Variants in RGL1 observed in about 807,000 individuals in gnomAD.
RGL1 encodes the protein ral guanine nucleotide dissociation stimulator-like 1.
A neutral mutation model predicts 95.2 loss-of-function variants in RGL1; 24 were observed. The ratio of observed to expected loss-of-function variants is 0.25; its 90% CI spans 0.18 to 0.35. RGL1 has a LOEUF of 0.35. Among genes scored for constraint, RGL1 ranks in the 10% least tolerant of loss-of-function variants. RGL1 has a pLI of 1.00. For synonymous variants in RGL1, 329 were observed against 344.9 expected, an observed-to-expected ratio of 0.95 and a Z score of 0.51; for missense variants, 715 against 936.3, an observed-to-expected ratio of 0.76 and a Z score of 3.08.
At chr1:183,811,400 A>C (rs999765939) in intron 2 of RGL1, among the ~76,000 whole-genome samples, 1 of 152,180 alleles carries the variant, frequency 6.6e-6, no homozygotes, top group African/African-American at 2.4e-5. Flanking sequence ...GATAAGCCCT[A>C]GAGGAGCCTT....
chr1:183,914,571 G>A (rs532851959), intron 15 of RGL1, among the ~76,000 whole-genome samples: 1 of 152,154 alleles, frequency 6.6e-6, no homozygotes, highest in Non-Finnish European at 1.5e-5. Context: ...CCTCCAGACT[G>A]TCATTCTTCC....
intron 14 of RGL1, among the ~76,000 whole-genome samples, chr1:183,909,223 C>G (rs188983120): frequency 6.6e-6 from 1 of 152,288 alleles, no homozygotes; most frequent in Non-Finnish European, 1.5e-5. Context: ...ATTTCATGAT[C>G]TTCTTAGCAT....
chr1:183,639,282 C>CAAAAAAAAAA (rs1306405130), intron 1 of RGL1, among the ~76,000 whole-genome samples: 2 of 70,844 alleles, frequency 2.8e-5, no homozygotes, highest in African/African-American at 4.6e-5. Context: ...CACTTCATCT[C>CAAAAAAAAAA]AAAAAAAAAA....
chr1:183,649,898 A>G (rs966530470), intron 1 of RGL1, among the ~76,000 whole-genome samples: 5 of 152,128 alleles, frequency 3.3e-5, no homozygotes, highest in Admixed American at 2.0e-4. Context: ...TGTGGCCCCA[A>G]CCTTCCGGGC....
intron 2 of RGL1, among the ~76,000 whole-genome samples, chr1:183,752,707 T>TCTCTCTCTCTCTCC (rs1337166963): frequency 2.8e-4 from 40 of 143,524 alleles, no homozygotes; most frequent in Middle Eastern, 3.7e-3. Flanking sequence ...TCTCTCTCTT[T>TCTCTCTCTCTCTCC]CCCCTTTCCT....
rs556703734 is a variant in RGL1, at chr1:183,752,471, C to G, written c.132+10182C>G. ...CGATCTCTTGACCTTGTGATCCGCCCACCTCGGCCTCCCAAAGTGCTGGGA... is the reference window on the plus strand; with the variant it reads ...CGATCTCTTGACCTTGTGATCCGCCGACCTCGGCCTCCCAAAGTGCTGGGA... On this transcript the variant is annotated intron_variant, in intron 2 of 18. Coordinates refer to the RGL1 transcript ENST00000304685. 5.9e-5 allele frequency among the ~76,000 whole-genome samples: 9 copies of G among 152,216 alleles called. No homozygotes were observed. The East Asian group carries it at 1.5e-3, about 26-fold the overall frequency.
intron 1 of RGL1, among the ~76,000 whole-genome samples, chr1:183,682,036 T>C (rs1337367576): frequency 2.6e-5 from 4 of 152,326 alleles, no homozygotes; most frequent in African/African-American, 9.6e-5. Context: ...TTTTCTATTG[T>C]GTCTATTTGA....
At chr1:183,805,993 T>C (rs866368315) in intron 1 of RGL1, among the ~76,000 whole-genome samples, 18 of 87,390 alleles carry the variant, frequency 2.1e-4, no homozygotes, top group Middle Eastern at 5.8e-3. Flanking sequence ...TTTTTTTTTT[T>C]TTTTTTTTTT....
At chr1:183,747,924 TGTACCTCTG>T (rs1345312724) in intron 2 of RGL1, among the ~76,000 whole-genome samples, 5 of 152,180 alleles carry the variant, frequency 3.3e-5, no homozygotes, top group African/African-American at 1.2e-4. Flanking sequence ...AGCTCCTCTT[TGTACCTCTG>T]GTGGAATTAG....
chr1:183,903,562 G>A (rs940071095), intron 12 of RGL1, among the ~76,000 whole-genome samples: 8 of 152,012 alleles, frequency 5.3e-5, no homozygotes, highest in African/African-American at 1.7e-4. Flanking sequence ...CCTAACATGG[G>A]GGGGGTTTGG....
At position 183,648,645 on chromosome 1, in the gene RGL1, G is replaced by A. The variant is rs763431906; in HGVS notation, c.-33+12144G>A. The A allele has an allele frequency of 1.3e-5, 21 of 1,614,234 alleles. No individual in the cohort carries two copies. The highest frequency in any genetic ancestry group is 1.7e-5 in the Admixed American group (1 of 60,026). Reference sequence around the variant, plus strand: ...GAATCCAAAAATCTGACAAAATTCTGTGAGGGAAACTCTTGCTTCTTCACC... The same window carrying A: ...GAATCCAAAAATCTGACAAAATTCTATGAGGGAAACTCTTGCTTCTTCACC... On this transcript the variant is annotated intron_variant, in intron 1 of 18. Transcript: ENST00000304685.
intron 14 of RGL1, among the ~76,000 whole-genome samples, chr1:183,907,365 AAC>A (rs1483558157): frequency 6.6e-6 from 1 of 151,164 alleles, no homozygotes; most frequent in Non-Finnish European, 1.5e-5. Flanking sequence ...CCCCTTACCC[AAC>A]CATTCATTCT....
chr1:183,796,651 C>G (rs1213265327), intron 2 of RGL1, among the ~76,000 whole-genome samples: 2 of 152,086 alleles, frequency 1.3e-5, no homozygotes, highest in African/African-American at 4.8e-5. Flanking sequence ...TATAGAAGTT[C>G]TAGTTTATCT....
Position 183,698,149 on chromosome 1 carries a change from C to T in RGL1, c.-32-43977C>T, listed in dbSNP as rs545669461. ...TATGTTTTTCCAACTCCATCAATAT[C>T]ACATTGATGACTTAAAATAGGCCAA... On this transcript the variant is annotated intron_variant, in intron 1 of 18. Coordinates refer to the RGL1 transcript ENST00000304685. Among the ~76,000 whole-genome samples the T allele has an allele frequency of 3.9e-5, 6 of 152,310 alleles. No homozygotes were observed. In the East Asian group the frequency reaches 9.6e-4, roughly 24 times the overall value.
intron 9 of RGL1, among the ~76,000 whole-genome samples, chr1:183,894,510 T>TA (rs1667584192): frequency 1.3e-5 from 2 of 152,210 alleles, no homozygotes; most frequent in Admixed American, 6.5e-5. Flanking sequence ...TCATTTTTGT[T>TA]AATCATTCTT....
chr1:183,852,678 TG>T lies in RGL1; in HGVS notation c.347+4906del, dbSNP rs1396578256. Among the ~76,000 whole-genome samples, 4 of 152,106 alleles carry T rather than the reference TG, an allele frequency of 2.6e-5. No homozygotes were observed. In the East Asian group the frequency reaches 7.7e-4, roughly 29 times the overall value. ...AAAATATAAAAATTAGCTGGTATGGTGGCAGGCGTCTGTAGTCCTAGCTACT... is the reference window on the plus strand; with the variant it reads ...AAAATATAAAAATTAGCTGGTATGGTGCAGGCGTCTGTAGTCCTAGCTACT... On this transcript the variant is annotated intron_variant, in intron 3 of 17. Coordinates refer to ENST00000360851, the MANE Select transcript of RGL1 (RefSeq NM_001297671.3).
Position 183,700,430 on chromosome 1 carries a change from CTT to C in RGL1, c.-32-41683_-32-41682del, listed in dbSNP as rs34876736. Among the ~76,000 whole-genome samples, 653 of 145,362 alleles carry C rather than the reference CTT, an allele frequency of 4.5e-3. 2 individuals are homozygous for C. Among genetic ancestry groups the C allele is most frequent in the Non-Finnish European group, 6.6e-3 (438 of 66,340 alleles). ...TGGACAGAAAGCAGGTTTCAATAAT[CTT>C]TTTTTTTTTTTTAATTTGACTTTAA... is the stretch of plus-strand genomic sequence containing the variant. On this transcript the variant is annotated intron_variant, in intron 1 of 18. Coordinates refer to the RGL1 transcript ENST00000304685.
intron 2 of RGL1, among the ~76,000 whole-genome samples, chr1:183,771,288 T>A (rs2102329977): frequency 6.6e-6 from 1 of 151,388 alleles, no homozygotes; most frequent in Middle Eastern, 3.4e-3. Flanking sequence ...TCCAGTGGAA[T>A]TTAGTAAACA....
chr1:183,814,695 A>G (rs890843827), intron 2 of RGL1, among the ~76,000 whole-genome samples: 1 of 152,186 alleles, frequency 6.6e-6, no homozygotes, highest in African/African-American at 2.4e-5. Context: ...TTCTGAAGAC[A>G]ATTTGAAGGC....
Sources: allele counts gnomAD v4.1 joint callset (sites outside exome capture counted in the v4.1 genomes callset), GRCh38; gene constraint gnomAD v4.1.1; transcripts MANE v1.5; gene names NCBI Gene and HGNC (gene_info 2026-07-23, HGNC 2026-07-21).